The following FAM98C variants were observed in gnomAD, a reference collection of about 807,000 sequenced individuals.
FAM98C encodes the protein tRNA splicing ligase complex subunit 3C, also known as protein FAM98C.
FAM98C carries 38 observed loss-of-function variants against 41.1 expected under a neutral mutation model. The ratio of observed to expected loss-of-function variants is 0.92; its 90% CI spans 0.71 to 1.21. The LOEUF is 1.21. Ranked by LOEUF, FAM98C falls within the 50% of genes most tolerant of loss-of-function variation. The probability of loss-of-function intolerance (pLI) is 0.00; values close to 1 mark genes in which losing one functional copy is unlikely to be tolerated. For synonymous variants in FAM98C, 195 were observed against 216.7 expected (o/e 0.90, Z 0.88); for missense variants, 493 against 484.7 (o/e 1.02, Z -0.16).
rs190729541 is a variant in FAM98C, at chr19:38,406,896, C to T, written c.751-14C>T. ...GGCTCCAGGGTACCTTCTCTTACCT[C>T]CTCCCCACTCCAGGCCCAAGGAGAG... On this transcript the variant is annotated splice_polypyrimidine_tract_variant and intron_variant, in intron 6 of 7. Coordinates refer to ENST00000252530, the MANE Select transcript of FAM98C (RefSeq NM_174905.4). The T allele has an allele frequency of 2.0e-4, 325 of 1,611,844 alleles. 5 individuals are homozygous for T. The Admixed American group carries it at 5.3e-3, about 26-fold the overall frequency.
chr19:38,405,880 C>T (rs1444903188), intron 6 of FAM98C: 5 of 444,350 alleles, frequency 1.1e-5, no homozygotes, highest in East Asian at 4.0e-5. Context: ...TTTTTTGAGA[C>T]GGGGTCTCAC....
intron 6 of FAM98C, 29 bp downstream of exon 6, chr19:38,405,664 T>C: frequency 1.9e-6 from 3 of 1,607,820 alleles, no homozygotes; most frequent in Non-Finnish European, 2.6e-6. Flanking sequence ...CATGCAGAAT[T>C]GGAGAGGCCC....
Position 38,405,083 on chromosome 19 carries a change from C to T in FAM98C, c.525C>T (p.Ala175=). 3.1e-6 allele frequency: 5 copies of T among 1,611,102 alleles called. No homozygotes were observed. Among genetic ancestry groups the T allele is most frequent in the Non-Finnish European group, 4.2e-6 (5 of 1,177,846 alleles). The change falls in exon 4 of 8, where the codon GCC becomes GCT. Residue 175 remains alanine (A), a synonymous_variant. Transcript: ENST00000252530. ...CCAGACCTGCACCAGGGACCCCCGC[C>T]AGCCAGCTGCTGCAGGAGTTGCATG... ...GLPRPAPGTP[A]SQLLQELHAK... is the part of the protein sequence containing the mutation.
chr19:38,405,685 GC>G (rs1236213147), intron 6 of FAM98C, 50 bp downstream of exon 6: 3 of 1,565,290 alleles, frequency 1.9e-6, no homozygotes, highest in African/African-American at 2.7e-5. Flanking sequence ...AGTTGTGGGG[GC>G]TGCAGTTGCA....
In FAM98C at chr19:38,403,372, G is replaced by A. The variant is rs1363355440; in HGVS notation, c.100G>A (p.Ala34Thr). 1 of 1,469,106 alleles carries A rather than the reference G, an allele frequency of 6.8e-7. No individual in the cohort carries two copies. Among genetic ancestry groups the A allele is most frequent in the Non-Finnish European group, 8.9e-7 (1 of 1,124,934 alleles). 91.0% of individuals were successfully genotyped at this position (1,469,106 alleles called of 1,614,324 possible). ...GGVPGAASRG[A>T]SCPDFRGLCV... ...TGTCCCGGGGGCGGCGTCGCGGGGC[G>A]CCTCATGCCCAGACTTCAGGGGGCT... Residue 34 changes from alanine to threonine, a missense_variant, in exon 2 of 8, where the codon GCC becomes ACC. Coordinates refer to ENST00000252530, the MANE Select transcript of FAM98C (RefSeq NM_174905.4).
At position 38,405,570 on chromosome 19, in the gene FAM98C, C is replaced by T. The variant is rs779342574; in HGVS notation, c.685C>T (p.Arg229Cys). Reference sequence around the variant, plus strand: ...CCTCAGAGATCAGTACCGCTGCCGCCGCTGCCTCCTCCTCAAGCGCCTTGA... The same window carrying T: ...CCTCAGAGATCAGTACCGCTGCCGCTGCTGCCTCCTCCTCAAGCGCCTTGA... Reference protein sequence around the residue: ...QSLRDQYRCRRCLLLKRLDLT... With the variant: ...QSLRDQYRCRCCLLLKRLDLT... Residue 229 changes from arginine (R) to cysteine (C), a missense_variant, in exon 6 of 8, where the codon CGC becomes TGC. Coordinates refer to ENST00000252530, the MANE Select transcript of FAM98C (RefSeq NM_174905.4). The T allele has an allele frequency of 1.1e-5, 17 of 1,614,058 alleles. No homozygotes were observed. Among genetic ancestry groups the T allele is most frequent in the East Asian group, 2.2e-5 (1 of 44,894 alleles).
At position 38,403,470 on chromosome 19, in the gene FAM98C, G is replaced by A; in HGVS notation, c.198G>A (p.Val66=). 1 of 1,406,298 alleles carries A rather than the reference G, an allele frequency of 7.1e-7. No individual in the cohort carries two copies. The highest frequency in any genetic ancestry group is 9.2e-7 in the Non-Finnish European group (1 of 1,091,636). 87.1% of individuals were successfully genotyped at this position (1,406,298 alleles called of 1,614,324 possible). The change falls in exon 2 of 8, where the codon GTG becomes GTA. Residue 66 remains valine (V), a synonymous_variant. Coordinates refer to ENST00000252530, the MANE Select transcript of FAM98C (RefSeq NM_174905.4). ...LEQQREAGAE[V]LSAGDGPGAE... is the part of the protein sequence containing the mutation. ...AGCAGCGAGAGGCGGGCGCGGAGGT[G>A]CTGAGCGCCGGCGACGGTAAACACG...
At chr19:38,404,352 G>A (rs560581393) in intron 3 of FAM98C, among the ~76,000 whole-genome samples, 1 of 152,214 alleles carries the variant, frequency 6.6e-6, no homozygotes, top group South Asian at 2.1e-4. Flanking sequence ...GGACTAGAAG[G>A]TGGAGGATTT....
intron 7 of FAM98C, chr19:38,407,733 C>G (rs770231152): frequency 1.3e-5 from 2 of 151,814 alleles, no homozygotes; most frequent in African/African-American, 2.4e-5. Context: ...GCCTGTAATC[C>G]CAGCACTTTG....
In FAM98C at chr19:38,406,968, A is replaced by C. The variant is rs1316550609; in HGVS notation, c.809A>C (p.Glu270Ala). 2.5e-6 allele frequency: 4 copies of C among 1,614,066 alleles called. No homozygotes were observed. Among genetic ancestry groups the C allele is most frequent in the Admixed American group, 1.7e-5 (1 of 60,000 alleles). ...CCAATTCGAGAGGTTCTGACCCCAG[A>C]ATCGGACATCTCCATTGCACACGTT... ...LIPIREVLTP[E>A]SDISIAHVLA... Residue 270 changes from glutamate to alanine, a missense_variant, in exon 7 of 8, where the codon GAA becomes GCA. Glu to Ala is a moderately radical substitution (Grantham distance 107). Transcript: ENST00000252530.
rs766943368 is a variant in FAM98C, at chr19:38,403,348, GT to G, written c.77del (p.Val26AlafsTer42). ...CCTCGGTCCCCACAGGTATGGAGGTGTCCCGGGGGCGGCGTCGCGGGGCGCC... is the reference window on the plus strand; with the variant it reads ...CCTCGGTCCCCACAGGTATGGAGGTGCCCGGGGGCGGCGTCGCGGGGCGCC... ...QDLLALGYGGVPGAASRGASC... is the reference protein window; with the variant it reads ...QDLLALGYGGXPGAASRGASC... On this transcript the variant is annotated frameshift_variant, in exon 2 of 8. Transcript: ENST00000252530. LOFTEE classifies it high-confidence loss of function. 1 of 1,475,778 alleles carries G rather than the reference GT, an allele frequency of 6.8e-7. No individual in the cohort carries two copies. The highest frequency in any genetic ancestry group is 2.8e-5 in the East Asian group (1 of 36,064). The allele number at this position is 1,475,778 out of a possible 1,614,324, so 91.4% of individuals were successfully genotyped here.
intron 3 of FAM98C, among the ~76,000 whole-genome samples, chr19:38,404,144 G>A (rs921578343): frequency 6.6e-6 from 1 of 151,998 alleles, no homozygotes; most frequent in Non-Finnish European, 1.5e-5. Flanking sequence ...TGTCCACCTC[G>A]GCCTCCCAAA....
chr19:38,405,206 C>G, intron 4 of FAM98C, 93 bp downstream of exon 4: 1 of 1,514,262 alleles, frequency 6.6e-7, no homozygotes, highest in Non-Finnish European at 9.0e-7. Flanking sequence ...AGTATTCCAA[C>G]CACTGGCCTG....
At chr19:38,407,323 G>T in intron 7 of FAM98C, 1 of 486,940 alleles carries the variant, frequency 2.1e-6, no homozygotes, top group Non-Finnish European at 3.7e-6. Context: ...TCTCCAGCTT[G>T]GGCTTAAAAT....
chr19:38,408,537 C>G (rs958205735), intron 7 of FAM98C: 2 of 553,244 alleles, frequency 3.6e-6, no homozygotes, highest in African/African-American at 1.9e-5. Flanking sequence ...CCAGCCTGGG[C>G]AACAGAGTGA....
chr19:38,403,742 C>A (rs754164604), intron 3 of FAM98C, 48 bp downstream of exon 3: 5 of 1,362,902 alleles, frequency 3.7e-6, no homozygotes, highest in Non-Finnish European at 4.7e-6. Context: ...TCCGGAGCGG[C>A]GGGCTCTGAC....
Position 38,408,762 on chromosome 19 carries a change from C to CAACG in FAM98C, c.931_934dup (p.Val312GlufsTer11). On this transcript the variant is annotated frameshift_variant, in exon 8 of 8. Transcript: ENST00000252530. LOFTEE classifies it high-confidence loss of function. ...TCATAAACTCTCAGGTGCTTATGGG[C>CAACG]AACGTTCCAGACCGGGGGGGCCGCC... The CAACG allele has an allele frequency of 6.2e-7, 1 of 1,614,066 alleles. No individual in the cohort carries two copies. Among genetic ancestry groups the CAACG allele is most frequent in the Non-Finnish European group, 8.5e-7 (1 of 1,179,992 alleles).
At chr19:38,407,306 G>A in intron 7 of FAM98C, 1 of 517,162 alleles carries the variant, frequency 1.9e-6, no homozygotes, top group East Asian at 3.0e-5. Flanking sequence ...CTGAGTCCCT[G>A]GCTACTTCTC....
intron 7 of FAM98C, 70 bp downstream of exon 7, chr19:38,407,147 A>G: frequency 6.4e-7 from 1 of 1,565,070 alleles, no homozygotes; most frequent in Non-Finnish European, 8.7e-7. Context: ...CCTCTGCTCC[A>G]GTCCAAGTTT....
Sources: gnomAD v4.1 joint callset for allele counts (sites outside exome capture counted in the v4.1 genomes callset) on GRCh38, gnomAD v4.1.1 for gene constraint, MANE v1.5 for transcripts, NCBI Gene and HGNC (gene_info 2026-07-23, HGNC 2026-07-21) for gene names.